Variants in GPSM2 observed in about 807,000 individuals in gnomAD.
GPSM2 encodes G protein-signaling modulator 2.
In GPSM2, 58 loss-of-function variants were observed where a neutral mutation model predicts 78.4. The ratio of observed to expected loss-of-function variants is 0.74; its 90% CI spans 0.60 to 0.92. The LOEUF is 0.92. GPSM2 is among the 40% of genes least tolerant of loss of function. The probability of loss-of-function intolerance (pLI) is 0.00; values close to 1 mark genes in which losing one functional copy is unlikely to be tolerated. For missense variants in GPSM2, 700 were observed against 815.5 expected (o/e 0.86, Z 1.73); for synonymous variants, 224 against 280.2 (o/e 0.80, Z 2.00).
chr1:108,895,923 T>A (rs1648328988), intron 2 of GPSM2, among the ~76,000 whole-genome samples: 1 of 152,170 alleles, frequency 6.6e-6, no homozygotes. Flanking sequence ...GTTTCATGAG[T>A]ACTGCTTTGG....
chr1:108,908,055 T>A (rs1649385320), intron 10 of GPSM2, among the ~76,000 whole-genome samples: 1 of 152,236 alleles, frequency 6.6e-6, no homozygotes, highest in South Asian at 2.1e-4. Context: ...ATGAGTCTTA[T>A]GAGTTGCAGT....
chr1:108,910,493 C>T (rs1275939548), intron 10 of GPSM2, among the ~76,000 whole-genome samples: 4 of 152,088 alleles, frequency 2.6e-5, no homozygotes, highest in Non-Finnish European at 4.4e-5. Flanking sequence ...AGTAAATTAC[C>T]GGCCAGCCTT....
At chr1:108,928,592 A>C (rs982368916) in intron 14 of GPSM2, among the ~76,000 whole-genome samples, 1 of 152,224 alleles carries the variant, frequency 6.6e-6, no homozygotes, top group African/African-American at 2.4e-5. Flanking sequence ...TCACACTTCT[A>C]TTCTTACTCT....
intron 2 of GPSM2, among the ~76,000 whole-genome samples, chr1:108,895,431 G>T (rs551210187): frequency 6.6e-6 from 1 of 152,258 alleles, no homozygotes; most frequent in Admixed American, 6.5e-5. Flanking sequence ...ATTAGAACGG[G>T]GTTCCCAACC....
chr1:108,880,759 G>A (rs1182386489), intron 1 of GPSM2, among the ~76,000 whole-genome samples: 2 of 152,178 alleles, frequency 1.3e-5, no homozygotes, highest in African/African-American at 4.8e-5. Flanking sequence ...CTAACCTGGT[G>A]GCAAGAAAAG....
At chr1:108,897,139 A>G in intron 3 of GPSM2, 54 bp downstream of exon 3, 1 of 1,266,386 alleles carries the variant, frequency 7.9e-7, no homozygotes, top group Non-Finnish European at 1.1e-6. Context: ...CTATTACTTT[A>G]AAAAATATTT....
intron 10 of GPSM2, among the ~76,000 whole-genome samples, chr1:108,910,804 A>C (rs1570929114): frequency 6.6e-6 from 1 of 151,914 alleles, no homozygotes. Flanking sequence ...CAGAGGTTGC[A>C]GTGAGCCGAG....
intron 10 of GPSM2, among the ~76,000 whole-genome samples, chr1:108,907,955 T>C (rs1019658831): frequency 5.3e-5 from 8 of 152,244 alleles, no homozygotes; most frequent in Non-Finnish European, 7.3e-5. Flanking sequence ...ACATCAGTAA[T>C]AAAGTTGAGA....
At chr1:108,916,212 T>C (rs1017955888) in intron 11 of GPSM2, among the ~76,000 whole-genome samples, 20 of 151,950 alleles carry the variant, frequency 1.3e-4, no homozygotes, top group African/African-American at 4.8e-4. Flanking sequence ...TAAGCCATGA[T>C]TGTGGCACTG....
chr1:108,882,061 C>T (rs562110401), intron 1 of GPSM2, among the ~76,000 whole-genome samples: 1 of 152,298 alleles, frequency 6.6e-6, no homozygotes, highest in African/African-American at 2.4e-5. Context: ...AAGCAATCCT[C>T]CTGCCTCATC....
Position 108,934,304 on chromosome 1 carries a change from T to G in GPSM2, c.*4364T>G. On this transcript the variant is annotated 3_prime_UTR_variant, in exon 15 of 15. Coordinates refer to ENST00000264126, the MANE Select transcript of GPSM2 (RefSeq NM_013296.5). The stretch of plus-strand genomic sequence containing the variant: ...TAGTGGATTCACTAGGCAATGTAAA[T>G]TGGTTAGTGGGTTCCCGTAAGTGCC... 5.0e-6 allele frequency: 1 copy of G among 198,270 alleles called. No homozygotes were observed. Among genetic ancestry groups the G allele is most frequent in the Non-Finnish European group, 1.0e-5 (1 of 96,114 alleles). 12.3% of individuals were successfully genotyped at this position (198,270 alleles called of 1,614,324 possible). A position where few individuals can be genotyped will look rare whatever the true frequency, so the allele number is the denominator to read the frequency against.
chr1:108,899,062 G>T (rs987782479), intron 7 of GPSM2, 68 bp downstream of exon 7: 48 of 958,288 alleles, frequency 5.0e-5, no homozygotes, highest in Non-Finnish European at 7.7e-5. Flanking sequence ...TAGGCTTTAG[G>T]TTTAAAATCT....
chr1:108,887,728 T>C (rs1647673498), intron 2 of GPSM2, among the ~76,000 whole-genome samples: 1 of 152,238 alleles, frequency 6.6e-6, no homozygotes, highest in African/African-American at 2.4e-5. Context: ...ACAGACACCA[T>C]GCACCCAGTG....
intron 12 of GPSM2, among the ~76,000 whole-genome samples, chr1:108,920,706 A>G (rs1202833831): frequency 6.6e-6 from 1 of 152,084 alleles, no homozygotes; most frequent in East Asian, 1.9e-4. Flanking sequence ...GACTAATAAA[A>G]GGAAAAATTA....
intron 14 of GPSM2, among the ~76,000 whole-genome samples, chr1:108,924,833 C>T (rs1017584128): frequency 9.9e-5 from 15 of 152,014 alleles, no homozygotes; most frequent in African/African-American, 2.9e-4. Flanking sequence ...TTTTGGAGGC[C>T]ATGATAAAGT....
intron 10 of GPSM2, among the ~76,000 whole-genome samples, chr1:108,911,297 G>T (rs1649721333): frequency 6.6e-6 from 1 of 152,120 alleles, no homozygotes; most frequent in South Asian, 2.1e-4. Flanking sequence ...GGATGCCGAG[G>T]CTGGTGGATC....
chr1:108,908,382 C>CAA (rs947404686), intron 10 of GPSM2, among the ~76,000 whole-genome samples: 1 of 144,602 alleles, frequency 6.9e-6, no homozygotes, highest in African/African-American at 2.6e-5. Flanking sequence ...AAAACAAAAA[C>CAA]AAACAAAAAA....
chr1:108,896,196 CA>C, intron 2 of GPSM2, among the ~76,000 whole-genome samples: 1 of 152,262 alleles, frequency 6.6e-6, no homozygotes, highest in East Asian at 1.9e-4. Context: ...GACAGACTTT[CA>C]AAATTAGTAT....
At position 108,929,685 on chromosome 1, in the gene GPSM2, T is replaced by C. The variant is rs779594326; in HGVS notation, c.1816-16T>C. 6.2e-7 allele frequency: 1 copy of C among 1,611,570 alleles called. No individual in the cohort carries two copies. The highest frequency in any genetic ancestry group is 1.1e-5 in the South Asian group (1 of 91,038). On this transcript the variant is annotated splice_polypyrimidine_tract_variant and intron_variant, in intron 14 of 14. Transcript: ENST00000264126. Reference sequence around the variant, plus strand: ...TTCCCACAGTATGTCTTTTAATCTCTCTCATAAACTTCTAGGGATCCAGAT... The same window carrying C: ...TTCCCACAGTATGTCTTTTAATCTCCCTCATAAACTTCTAGGGATCCAGAT...
Sources: allele counts gnomAD v4.1 joint callset (sites outside exome capture counted in the v4.1 genomes callset), GRCh38; gene constraint gnomAD v4.1.1; transcripts MANE v1.5; gene names NCBI Gene and HGNC (gene_info 2026-07-23, HGNC 2026-07-21).